The following PPM1H variants were observed in gnomAD, a reference collection of about 807,000 sequenced individuals.
PPM1H encodes the protein protein phosphatase 1H.
Under a neutral mutation model 54.9 loss-of-function variants are expected in PPM1H, and 27 were observed. The ratio of observed to expected loss-of-function variants is 0.49; its 90% CI spans 0.36 to 0.68. The LOEUF is 0.68. Among genes scored for constraint, PPM1H ranks in the 30% least tolerant of loss-of-function variants. The pLI, the probability that PPM1H is intolerant of heterozygous loss-of-function variation, is 0.00. For synonymous variants in PPM1H, 305 were observed against 270.8 expected, an observed-to-expected ratio of 1.13 and a Z score of -1.24; for missense variants, 596 against 667.8, an observed-to-expected ratio of 0.89 and a Z score of 1.19.
At chr12:62,770,110 T>C (rs567764070) in intron 4 of PPM1H, among the ~76,000 whole-genome samples, 67 of 151,964 alleles carry the variant, frequency 4.4e-4, no homozygotes, top group Non-Finnish European at 6.9e-4. Context: ...GCTTAATAAA[T>C]TGGGGTCCCT....
At chr12:62,667,693 C>T (rs562778095) in intron 8 of PPM1H, among the ~76,000 whole-genome samples, 3 of 152,294 alleles carry the variant, frequency 2.0e-5, no homozygotes, top group African/African-American at 4.8e-5. Flanking sequence ...TCTTCCTTTG[C>T]GTATTCATTC....
At chr12:62,827,181 A>C (rs1413294304) in intron 2 of PPM1H, among the ~76,000 whole-genome samples, 1 of 152,182 alleles carries the variant, frequency 6.6e-6, no homozygotes, top group Non-Finnish European at 1.5e-5. Flanking sequence ...TAGAATCAGA[A>C]TCAGTATACT....
intron 4 of PPM1H, among the ~76,000 whole-genome samples, chr12:62,747,017 T>C (rs956338319): frequency 2.0e-4 from 31 of 152,210 alleles, no homozygotes; most frequent in African/African-American, 7.5e-4. Flanking sequence ...AGTGGCACGA[T>C]CGTGGCTCAC....
At chr12:62,725,481 T>C (rs1403191426) in intron 5 of PPM1H, among the ~76,000 whole-genome samples, 5 of 152,194 alleles carry the variant, frequency 3.3e-5, no homozygotes, top group African/African-American at 7.2e-5. Context: ...CCTTGCTAAA[T>C]TCTCCCCAGT....
At chr12:62,757,961 G>A (rs192731566) in intron 4 of PPM1H, among the ~76,000 whole-genome samples, 5 of 152,300 alleles carry the variant, frequency 3.3e-5, no homozygotes, top group Admixed American at 2.0e-4. Context: ...TGCAATTTAG[G>A]AGTGAGGTTT....
intron 9 of PPM1H, among the ~76,000 whole-genome samples, chr12:62,658,016 G>T (rs1039806592): frequency 6.8e-6 from 1 of 146,070 alleles, no homozygotes; most frequent in Non-Finnish European, 1.5e-5. Context: ...GCCCCTCAAG[G>T]GTCATGGCAG....
At chr12:62,926,857 G>A (rs1446528415) in intron 1 of PPM1H, among the ~76,000 whole-genome samples, 1 of 152,190 alleles carries the variant, frequency 6.6e-6, no homozygotes, top group East Asian at 1.9e-4. Context: ...AGGAGGCAGA[G>A]GCAGGAGAAC....
chr12:62,832,315 C>G lies in PPM1H; in HGVS notation c.246-36G>C, dbSNP rs372081436. ...AGCCGGAAAAGCTGGTCAGACAGAC[C>G]GATAAAGCTGAGGGCACAGTCCCTT... On this transcript the variant is annotated intron_variant, in intron 1 of 9. Coordinates refer to ENST00000228705, the MANE Select transcript of PPM1H (RefSeq NM_020700.2). 44 of 1,571,082 alleles carry G rather than the reference C, an allele frequency of 2.8e-5. No individual in the cohort carries two copies. The African/African-American group carries it at 5.5e-4, about 20-fold the overall frequency.
intron 2 of PPM1H, among the ~76,000 whole-genome samples, chr12:62,810,076 A>T (rs906823920): frequency 6.6e-6 from 1 of 152,130 alleles, no homozygotes; most frequent in Non-Finnish European, 1.5e-5. Flanking sequence ...GGTATTCCCA[A>T]TGAGTGTCTG....
At chr12:62,796,027 C>A (rs1228929619) in intron 3 of PPM1H, among the ~76,000 whole-genome samples, 1 of 152,196 alleles carries the variant, frequency 6.6e-6, no homozygotes, top group Non-Finnish European at 1.5e-5. Flanking sequence ...AAGTGCCTGA[C>A]CATAAGATCT....
intron 6 of PPM1H, among the ~76,000 whole-genome samples, chr12:62,703,879 A>G (rs2076157960): frequency 6.6e-6 from 1 of 151,992 alleles, no homozygotes; most frequent in African/African-American, 2.4e-5. Flanking sequence ...GTCTAACCAC[A>G]GTGCTCAGTA....
chr12:62,774,459 A>G (rs1308718139), intron 4 of PPM1H, among the ~76,000 whole-genome samples: 1 of 152,108 alleles, frequency 6.6e-6, no homozygotes, highest in Non-Finnish European at 1.5e-5. Context: ...CTCCCACCTC[A>G]GCCCCCTCAG....
chr12:62,665,108 C>T (rs897306991), intron 9 of PPM1H, among the ~76,000 whole-genome samples: 2 of 151,620 alleles, frequency 1.3e-5, no homozygotes, highest in Admixed American at 6.6e-5. Flanking sequence ...AGTGCAGTGG[C>T]GTGATCTCAA....
At chr12:62,917,322 T>G (rs1871656010) in intron 1 of PPM1H, among the ~76,000 whole-genome samples, 1 of 152,264 alleles carries the variant, frequency 6.6e-6, no homozygotes, top group South Asian at 2.1e-4. Context: ...GTCACCCACC[T>G]ACAGACAACT....
chr12:62,810,820 C>T (rs2076830824), intron 2 of PPM1H, among the ~76,000 whole-genome samples: 1 of 152,166 alleles, frequency 6.6e-6, no homozygotes, highest in Non-Finnish European at 1.5e-5. Flanking sequence ...AACTCCATTT[C>T]CTTATTTGAA....
intron 4 of PPM1H, among the ~76,000 whole-genome samples, chr12:62,759,745 C>T (rs1382352674): frequency 2.0e-5 from 3 of 151,174 alleles, no homozygotes; most frequent in African/African-American, 7.3e-5. Flanking sequence ...GGGGCAAGCA[C>T]CTCCCACTCC....
In PPM1H at chr12:62,788,352, CAG is replaced by C. The variant is rs1362337009; in HGVS notation, c.757-16_757-15del. 47 of 1,469,010 alleles carry C rather than the reference CAG, an allele frequency of 3.2e-5. No individual in the cohort carries two copies. The Admixed American group carries it at 8.1e-4, about 25-fold the overall frequency. 91.0% of individuals were successfully genotyped at this position (1,469,010 alleles called of 1,614,324 possible). On this transcript the variant is annotated splice_polypyrimidine_tract_variant and intron_variant, in intron 3 of 9. Coordinates refer to ENST00000228705, the MANE Select transcript of PPM1H (RefSeq NM_020700.2). ...TATCTGTAGGTCCTGGAGAATAAAACAGAGTTAGTGTTGGATTGTGCAGGATG... is the reference window on the plus strand; with the variant it reads ...TATCTGTAGGTCCTGGAGAATAAAACAGTTAGTGTTGGATTGTGCAGGATG...
intron 1 of PPM1H, among the ~76,000 whole-genome samples, chr12:62,904,419 T>C (rs2121123522): frequency 6.6e-6 from 1 of 152,252 alleles, no homozygotes; most frequent in Middle Eastern, 3.4e-3. Context: ...CTTTTATTTT[T>C]TGTAGAGATG....
At chr12:62,717,048 A>G (rs752860079) in intron 6 of PPM1H, among the ~76,000 whole-genome samples, 2 of 152,176 alleles carry the variant, frequency 1.3e-5, no homozygotes, top group Non-Finnish European at 2.9e-5. Context: ...ATTCTGGCTC[A>G]CCGCACCCTC....
Sources: gnomAD v4.1 joint callset for allele counts (sites outside exome capture counted in the v4.1 genomes callset) on GRCh38, gnomAD v4.1.1 for gene constraint, MANE v1.5 for transcripts, NCBI Gene and HGNC (gene_info 2026-07-23, HGNC 2026-07-21) for gene names.